The following FBXL5 variants were observed in gnomAD, a reference collection of about 807,000 sequenced individuals.
FBXL5 encodes F-box/LRR-repeat protein 5.
A neutral mutation model predicts 78.3 loss-of-function variants in FBXL5; 26 were observed. The ratio of observed to expected loss-of-function variants is 0.33; its 90% CI spans 0.24 to 0.46. The LOEUF (loss-of-function observed/expected upper bound fraction) is 0.46, where lower values mean the gene tolerates loss of function less well. Among genes scored for constraint, FBXL5 ranks in the 20% least tolerant of loss-of-function variants. FBXL5 has a pLI of 1.00. For missense variants in FBXL5, 710 were observed against 829.2 expected (o/e 0.86, Z 1.77); for synonymous variants, 295 against 282.5 (o/e 1.04, Z -0.45).
chr4:15,636,366 T>C (rs1262244511), intron 5 of FBXL5, 128 bp downstream of exon 5: 2 of 699,510 alleles, frequency 2.9e-6, no homozygotes, highest in Non-Finnish European at 4.2e-6. Flanking sequence ...CACCAAAACA[T>C]CATCTAACTA....
intron 9 of FBXL5, among the ~76,000 whole-genome samples, chr4:15,615,928 A>G (rs12500770): frequency 0.36 from 54,896 of 151,862 alleles, 10,079 homozygotes; most frequent in South Asian, 0.46. Flanking sequence ...TTTGCAATAA[A>G]TCTTGCTACT....
Position 15,625,772 on chromosome 4 carries a change from A to T in FBXL5, c.1330T>A (p.Tyr444Asn), listed in dbSNP as rs190168849. Reference protein sequence around the residue: ...KDITMQSTKQYACLHDLTNKG... With the variant: ...KDITMQSTKQNACLHDLTNKG... The stretch of plus-strand genomic sequence containing the variant: ...TTAGTTAAATCGTGCAAACAGGCAT[A>T]CTGCTTGGTGGACTGCATGGTAATG... Residue 444 changes from tyrosine (Y) to asparagine (N), a missense_variant, in exon 9 of 11, where the codon TAT (tyrosine) becomes AAT (asparagine). Tyr to Asn is a moderately radical substitution (Grantham distance 143). This residue lies in a region of FBXL5 where 517 missense variants were observed against 542.9 expected (regional missense o/e 0.95). Transcript: ENST00000341285. 1 of 1,614,182 alleles carries T rather than the reference A, an allele frequency of 6.2e-7. No homozygotes were observed. Among genetic ancestry groups the T allele is most frequent in the Non-Finnish European group, 8.5e-7 (1 of 1,180,016 alleles).
At chr4:15,645,821 T>C (rs1279618699) in intron 1 of FBXL5, among the ~76,000 whole-genome samples, 1 of 152,252 alleles carries the variant, frequency 6.6e-6, no homozygotes, top group Non-Finnish European at 1.5e-5. Context: ...AAACATTAGC[T>C]ATTATCATTT....
chr4:15,626,108 A>G, intron 8 of FBXL5, 131 bp from the exon 9 acceptor site: 1 of 848,888 alleles, frequency 1.2e-6, no homozygotes, highest in East Asian at 2.7e-5. Flanking sequence ...TTAGTGAATT[A>G]TCTATTGTTA....
chr4:15,663,867 A>G (rs539719797), upstream of FBXL5, among the ~76,000 whole-genome samples: 2 of 152,278 alleles, frequency 1.3e-5, no homozygotes, highest in African/African-American at 4.8e-5. Context: ...ATCACTGTTC[A>G]TTGACTTACC....
intron 2 of FBXL5, among the ~76,000 whole-genome samples, chr4:15,641,847 C>T (rs190405434): frequency 6.6e-5 from 10 of 151,916 alleles, no homozygotes; most frequent in African/African-American, 1.7e-4. Context: ...CCCAACGCGG[C>T]GAAACCCTGT....
chr4:15,680,941 T>C (rs1718226212), intron 1 of FBXL5, among the ~76,000 whole-genome samples: 1 of 148,836 alleles, frequency 6.7e-6, no homozygotes, highest in African/African-American at 2.4e-5. Flanking sequence ...ATATTCTCCT[T>C]TATATGTTTT....
At chr4:15,626,105 A>G (rs1020098816) in intron 8 of FBXL5, 128 bp from the exon 9 acceptor site, 1 of 853,716 alleles carries the variant, frequency 1.2e-6, no homozygotes, top group African/African-American at 1.7e-5. Flanking sequence ...TATTTAGTGA[A>G]TTATCTATTG....
intron 6 of FBXL5, among the ~76,000 whole-genome samples, chr4:15,628,793 A>ACG (rs1713333952): frequency 6.7e-6 from 1 of 148,934 alleles, no homozygotes; most frequent in East Asian, 1.9e-4. Flanking sequence ...ACACACGCAC[A>ACG]CACACACACA....
chr4:15,673,951 T>G (rs1409069055), intron 1 of FBXL5, among the ~76,000 whole-genome samples: 1 of 152,264 alleles, frequency 6.6e-6, no homozygotes, highest in Non-Finnish European at 1.5e-5. Context: ...CTTCATTGCC[T>G]GATATCCAAT....
At chr4:15,656,081 C>G (rs926075438), upstream of FBXL5, 65 of 429,624 alleles carry the variant, frequency 1.5e-4, no homozygotes, top group Non-Finnish European at 2.5e-4. Flanking sequence ...AAATGCACCT[C>G]AAGTGCAGGA....
intron 5 of FBXL5, among the ~76,000 whole-genome samples, chr4:15,635,986 GC>G (rs1488272793): frequency 6.6e-6 from 1 of 151,848 alleles, no homozygotes; most frequent in African/African-American, 2.4e-5. Flanking sequence ...TAGGTCAAAG[GC>G]AAAAACAGAT....
chr4:15,648,376 C>T (rs1715589150), intron 1 of FBXL5, among the ~76,000 whole-genome samples: 1 of 152,114 alleles, frequency 6.6e-6, no homozygotes. Flanking sequence ...CAATCCCATT[C>T]CTGAGTATAT....
chr4:15,653,221 T>C (rs1418631066), intron 1 of FBXL5, among the ~76,000 whole-genome samples: 1 of 152,222 alleles, frequency 6.6e-6, no homozygotes, highest in Admixed American at 6.5e-5. Context: ...GAATTAGTAA[T>C]AATTTTGACT....
At chr4:15,638,455 G>A in intron 4 of FBXL5, 53 bp downstream of exon 4, 1 of 1,326,864 alleles carries the variant, frequency 7.5e-7, no homozygotes, top group East Asian at 2.5e-5. Flanking sequence ...ATATCAGTAA[G>A]ATGTCAATGA....
chr4:15,654,075 T>C (rs872678), intron 1 of FBXL5, among the ~76,000 whole-genome samples: 43,853 of 152,088 alleles, frequency 0.29, 6,638 homozygotes, highest in East Asian at 0.48. Flanking sequence ...CTGCTTTAAA[T>C]TGCTGGTCTT....
In FBXL5 at chr4:15,625,750, G is replaced by A; in HGVS notation, c.1352C>T (p.Thr451Ile). 2 of 1,614,176 alleles carry A rather than the reference G, an allele frequency of 1.2e-6. No individual in the cohort carries two copies. Among genetic ancestry groups the A allele is most frequent in the South Asian group, 2.2e-5 (2 of 91,086 alleles). Residue 451 changes from threonine to isoleucine, a missense_variant, in exon 9 of 11, where the codon ACT becomes ATT. Thr to Ile is a moderately conservative substitution (Grantham distance 89). This residue lies in a region of FBXL5 where 517 missense variants were observed against 542.9 expected (regional missense o/e 0.95). Transcript: ENST00000341285. Reference sequence around the variant, plus strand: ...TATTTCTTCTCCAATGCCCTTGTTAGTTAAATCGTGCAAACAGGCATACTG... The same window carrying A: ...TATTTCTTCTCCAATGCCCTTGTTAATTAAATCGTGCAAACAGGCATACTG... ...TKQYACLHDL[T>I]NKGIGEEIDN...
chr4:15,644,545 T>C lies in FBXL5; in HGVS notation c.248A>G (p.Asn83Ser), dbSNP rs1429661751. The change falls in exon 2 of 11, where the codon AAT becomes AGT. Residue 83 changes from asparagine (N) to serine (S), a missense_variant. By Grantham distance (46) the Asn-to-Ser change is conservative. Transcript: ENST00000341285. Reference protein sequence around the residue: ...SQTIYNVHSDNKLSEMLSLFE... With the variant: ...SQTIYNVHSDSKLSEMLSLFE... Reference sequence around the variant, plus strand: ...GAGGCTAAGCATCTCGGAGAGTTTATTGTCAGAATGTACATTATAAATGGT... The same window carrying C: ...GAGGCTAAGCATCTCGGAGAGTTTACTGTCAGAATGTACATTATAAATGGT... 6.2e-7 allele frequency: 1 copy of C among 1,614,110 alleles called. No individual in the cohort carries two copies. Among genetic ancestry groups the C allele is most frequent in the Non-Finnish European group, 8.5e-7 (1 of 1,179,986 alleles).
chr4:15,645,745 T>C (rs1298605306), intron 1 of FBXL5, among the ~76,000 whole-genome samples: 1 of 152,200 alleles, frequency 6.6e-6, no homozygotes, highest in Admixed American at 6.6e-5. Context: ...TTTCTTAATG[T>C]GTTAATCTTG....
Sources: allele counts gnomAD v4.1 joint callset (sites outside exome capture counted in the v4.1 genomes callset), GRCh38; gene constraint gnomAD v4.1.1; regional missense constraint gnomAD v4.1.1; transcripts MANE v1.5; gene names NCBI Gene and HGNC (gene_info 2026-07-23, HGNC 2026-07-21).